DNAH12: variants seen among roughly 807,000 people sequenced by gnomAD.
The protein encoded by DNAH12 is axonemal beta dynein heavy chain 12.
Under a neutral mutation model 371.5 loss-of-function variants are expected in DNAH12, and 285 were observed. The ratio of observed to expected loss-of-function variants is 0.77; its 90% CI spans 0.70 to 0.85. The LOEUF is 0.85. Among genes scored for constraint, DNAH12 ranks in the 40% least tolerant of loss-of-function variants. The probability of loss-of-function intolerance (pLI) is 0.00; values close to 1 mark genes in which losing one functional copy is unlikely to be tolerated. For missense variants in DNAH12, 3,611 were observed against 3,689.4 expected (o/e 0.98, Z 0.55); for synonymous variants, 1,200 against 1,213.0 (o/e 0.99, Z 0.22).
intron 17 of DNAH12, among the ~76,000 whole-genome samples, chr3:57,465,324 G>A (rs1378854504): frequency 6.6e-6 from 1 of 152,138 alleles, no homozygotes; most frequent in Non-Finnish European, 1.5e-5. Context: ...GGTTTCATGA[G>A]TGAATGTTTC....
intron 70 of DNAH12, among the ~76,000 whole-genome samples, chr3:57,297,775 T>G (rs1245240316): frequency 6.6e-6 from 1 of 152,206 alleles, no homozygotes; most frequent in East Asian, 1.9e-4. Context: ...CTTCCCTTTC[T>G]GCTCAATCTA....
chr3:57,295,541 G>T lies in DNAH12; in HGVS notation c.11676C>A (p.Ile3892=). ...YPKLLFDLMP[I]IWIKPTQKSR... ...AATATTTACTTGGTTTTATCCATATGATGGGCATCAGGTCAAACAGAAGTT... is the reference window on the plus strand; with the variant it reads ...AATATTTACTTGGTTTTATCCATATTATGGGCATCAGGTCAAACAGAAGTT... The change falls in exon 73 of 74, where the codon ATC becomes ATA. Residue 3892 remains isoleucine, a synonymous_variant. Coordinates refer to ENST00000495027, the MANE Select transcript of DNAH12 (RefSeq NM_001366028.2). 2 of 1,546,722 alleles carry T rather than the reference G, an allele frequency of 1.3e-6. No homozygotes were observed. The highest frequency in any genetic ancestry group is 2.4e-5 in the South Asian group (2 of 82,902).
At chr3:57,377,453 G>A (rs1263022309) in intron 52 of DNAH12, among the ~76,000 whole-genome samples, 1 of 151,940 alleles carries the variant, frequency 6.6e-6, no homozygotes, top group Non-Finnish European at 1.5e-5. Context: ...ATTTATACTA[G>A]GCTAACAAAA....
intron 2 of DNAH12, among the ~76,000 whole-genome samples, chr3:57,536,865 A>G (rs186362884): frequency 7.9e-5 from 12 of 152,376 alleles, no homozygotes; most frequent in African/African-American, 2.6e-4. Flanking sequence ...AGAGCTGGGA[A>G]GAACATACAA....
intron 2 of DNAH12, among the ~76,000 whole-genome samples, chr3:57,533,242 C>T (rs2068911529): frequency 6.6e-6 from 1 of 151,262 alleles, no homozygotes; most frequent in Admixed American, 6.6e-5. Flanking sequence ...TTGGGCTCCC[C>T]TCTGGCCCAG....
chr3:57,305,342 C>A (rs527686935), intron 69 of DNAH12, among the ~76,000 whole-genome samples: 3 of 152,060 alleles, frequency 2.0e-5, no homozygotes, highest in African/African-American at 7.2e-5. Flanking sequence ...CTCCCCTCCT[C>A]CCCAGGCTGC....
chr3:57,501,254 G>T, intron 11 of DNAH12, 67 bp downstream of exon 11: 1 of 1,163,454 alleles, frequency 8.6e-7, no homozygotes, highest in Non-Finnish European at 1.2e-6. Context: ...TTACTTTTTA[G>T]AATGGAAAGA....
At chr3:57,434,039 GAATAT>G (rs559659915) in intron 30 of DNAH12, among the ~76,000 whole-genome samples, 176 of 152,072 alleles carry the variant, frequency 1.2e-3, no homozygotes, top group African/African-American at 4.1e-3. Context: ...CTCCAAAAGG[GAATAT>G]AATAAACAAT....
chr3:57,352,301 C>T (rs1179102072), intron 59 of DNAH12, 76 bp from the exon 60 acceptor site: 1 of 1,389,984 alleles, frequency 7.2e-7, no homozygotes, highest in African/African-American at 1.5e-5. Context: ...AACATATACA[C>T]TTTTTATTTT....
Position 57,471,588 on chromosome 3 carries a change from G to A in DNAH12, c.1795C>T (p.His599Tyr), listed in dbSNP as rs2066370772. The A allele has an allele frequency of 6.5e-7, 1 of 1,536,256 alleles. No individual in the cohort carries two copies. Among genetic ancestry groups the A allele is most frequent in the African/African-American group, 1.4e-5 (1 of 71,890 alleles). Reference sequence around the variant, plus strand: ...GCCATTAGTTCATTTTCTTTTTTATGTTTAGCATTCTCAATTAGCTTTTTA... The same window carrying A: ...GCCATTAGTTCATTTTCTTTTTTATATTTAGCATTCTCAATTAGCTTTTTA... ...ENDELIENAK[H>Y]KKENELMAKR... Residue 599 changes from histidine to tyrosine, a missense_variant, in exon 15 of 74, where the codon CAT becomes TAT. Physicochemically the swap from His to Tyr is moderately conservative, Grantham distance 83. Transcript: ENST00000495027.
rs147570531 is a variant in DNAH12, at chr3:57,530,451, C to T, written c.171-6567G>A. On this transcript the variant is annotated intron_variant, in intron 2 of 73. Transcript: ENST00000495027. The stretch of plus-strand genomic sequence containing the variant: ...ACACTGCTCTGGCCTTGATGTGATA[C>T]ATGCCAGATGCTTGCCCTGCTGGAA... 1.3e-3 allele frequency: 930 copies of T among 702,162 alleles called. 15 individuals carry two copies. The East Asian group carries it at 0.022, about 16-fold the overall frequency. The allele number at this position is 702,162 out of a possible 1,614,324, so 43.5% of individuals were successfully genotyped here.
Position 57,337,422 on chromosome 3 carries a change from G to A in DNAH12, c.9675-2482C>T, listed in dbSNP as rs368086040. ...CGCCTGTAATCCCAGCACTTTGGGA[G>A]GCCAAGGAGGGCAGATCACCTGAGG... On this transcript the variant is annotated intron_variant, in intron 60 of 73. Coordinates refer to ENST00000495027, the MANE Select transcript of DNAH12 (RefSeq NM_001366028.2). Among the ~76,000 whole-genome samples, 31 of 152,308 alleles carry A rather than the reference G, an allele frequency of 2.0e-4. No individual in the cohort carries two copies. In the East Asian group the frequency reaches 4.4e-3, roughly 22 times the overall value.
intron 55 of DNAH12, among the ~76,000 whole-genome samples, chr3:57,372,997 A>G (rs1414584161): frequency 6.6e-6 from 1 of 152,244 alleles, no homozygotes; most frequent in African/African-American, 2.4e-5. Flanking sequence ...GGATAACTCA[A>G]CAAATAGTGC....
chr3:57,454,338 G>T lies in DNAH12; in HGVS notation c.3456+437C>A, dbSNP rs561956773. Among the ~76,000 whole-genome samples the T allele has an allele frequency of 3.4e-4, 52 of 152,088 alleles. No homozygotes were observed. In the South Asian group the frequency reaches 1.0e-2, roughly 29 times the overall value. ...TCAACTAAAAATACAAAATTAGCCG[G>T]GTGTGGTGGCACATGCCTGTAATTC... On this transcript the variant is annotated intron_variant, in intron 23 of 73. Coordinates refer to ENST00000495027, the MANE Select transcript of DNAH12 (RefSeq NM_001366028.2).
chr3:57,361,465 T>TATATATATATATATATATATAG lies in DNAH12; in HGVS notation c.9360+2128_9360+2129insCTATATATATATATATATATAT, dbSNP rs2062933702. Among the ~76,000 whole-genome samples, 2 of 141,134 alleles carry TATATATATATATATATATATAG rather than the reference T, an allele frequency of 1.4e-5. 1 individual carries two copies. Among genetic ancestry groups the TATATATATATATATATATATAG allele is most frequent in the African/African-American group, 5.8e-5 (2 of 34,364 alleles). 92.6% of individuals were successfully genotyped at this position (141,134 alleles called of 152,430 possible). On this transcript the variant is annotated intron_variant, in intron 58 of 73. Coordinates refer to ENST00000495027, the MANE Select transcript of DNAH12 (RefSeq NM_001366028.2). ...CACACTATATATATATATATATATA[T>TATATATATATATATATATATAG]ATATATCTCATTCAGCTCTGTTAGG...
chr3:57,393,157 A>G (rs1383300808), intron 44 of DNAH12, among the ~76,000 whole-genome samples: 1 of 152,208 alleles, frequency 6.6e-6, no homozygotes, highest in African/African-American at 2.4e-5. Flanking sequence ...AAGAACTCTT[A>G]TCTGTGCTGC....
intron 20 of DNAH12, among the ~76,000 whole-genome samples, chr3:57,459,085 T>A (rs1395429909): frequency 6.6e-6 from 1 of 152,230 alleles, no homozygotes; most frequent in African/African-American, 2.4e-5. Context: ...CTATGTTCAC[T>A]GTGTGTATGA....
intron 29 of DNAH12, among the ~76,000 whole-genome samples, chr3:57,437,761 G>C (rs2065173728): frequency 6.6e-6 from 1 of 152,182 alleles, no homozygotes; most frequent in African/African-American, 2.4e-5. Context: ...AAGAGACCAA[G>C]GGCTTGGCTG....
intron 68 of DNAH12, 51 bp from the exon 69 acceptor site, chr3:57,309,305 A>AG: frequency 7.4e-7 from 1 of 1,353,048 alleles, no homozygotes; most frequent in African/African-American, 1.5e-5. Flanking sequence ...ATGGATAATT[A>AG]GCTTAATTCA....
Sources: gnomAD v4.1 joint callset for allele counts (sites outside exome capture counted in the v4.1 genomes callset) on GRCh38, gnomAD v4.1.1 for gene constraint, MANE v1.5 for transcripts, NCBI Gene and HGNC (gene_info 2026-07-23, HGNC 2026-07-21) for gene names.